The following CATSPERE variants were observed in gnomAD, a reference collection of about 807,000 sequenced individuals.
The protein encoded by CATSPERE is catsper channel auxiliary subunit epsilon.
CATSPERE carries 93 observed loss-of-function variants against 114.1 expected under a neutral mutation model. That is an observed-to-expected ratio of 0.81 (90% confidence interval 0.69 to 0.97). CATSPERE has a LOEUF of 0.97. CATSPERE is among the 50% of genes least tolerant of loss of function. The pLI is 0.00. For synonymous variants in CATSPERE, 341 were observed against 384.1 expected (o/e 0.89, Z 1.31); for missense variants, 1,058 against 1,131.6 (o/e 0.93, Z 0.93).
At chr1:244,564,939 T>C (rs1663197527) in intron 10 of CATSPERE, among the ~76,000 whole-genome samples, 1 of 152,178 alleles carries the variant, frequency 6.6e-6, no homozygotes, top group African/African-American at 2.4e-5. Context: ...CCTAGTTTAT[T>C]GAGAGTTTTT....
intron 8 of CATSPERE, among the ~76,000 whole-genome samples, chr1:244,538,893 T>G (rs1680775269): frequency 1.3e-5 from 2 of 152,104 alleles, no homozygotes; most frequent in South Asian, 4.1e-4. Context: ...GTGATATTAG[T>G]AATGCCTCTG....
At chr1:244,584,172 A>G (rs1348498831) in intron 13 of CATSPERE, among the ~76,000 whole-genome samples, 1 of 152,178 alleles carries the variant, frequency 6.6e-6, no homozygotes, top group East Asian at 1.9e-4. Context: ...AAAATCATTT[A>G]TTCATTTAAA....
chr1:244,629,354 G>T (rs1673614253), intron 20 of CATSPERE, among the ~76,000 whole-genome samples: 1 of 152,114 alleles, frequency 6.6e-6, no homozygotes, highest in African/African-American at 2.4e-5. Flanking sequence ...TCCAAATTAT[G>T]TGCGGTACAT....
rs1408244024 is a variant in CATSPERE, at chr1:244,602,864, T to C, written c.2304-2831T>C. Among the ~76,000 whole-genome samples the C allele has an allele frequency of 2.0e-5, 3 of 152,160 alleles. No individual in the cohort carries two copies. In the East Asian group the frequency reaches 5.8e-4, roughly 29 times the overall value. ...TGGCCATCAGGAAGGAAGTGCATTA[T>C]ACATACAGATCCCTAGAAACTGGGG... On this transcript the variant is annotated intron_variant, in intron 17 of 21. Coordinates refer to ENST00000366534, the MANE Select transcript of CATSPERE (RefSeq NM_001130957.2).
intron 9 of CATSPERE, among the ~76,000 whole-genome samples, chr1:244,555,760 AT>A (rs1460793326): frequency 2.0e-5 from 3 of 152,244 alleles, no homozygotes; most frequent in Non-Finnish European, 4.4e-5. Context: ...GCATACAAAA[AT>A]CAGCAGCATT....
chr1:244,628,779 C>G (rs1673523930), intron 20 of CATSPERE, among the ~76,000 whole-genome samples: 1 of 152,206 alleles, frequency 6.6e-6, no homozygotes. Context: ...CCACAGCTGT[C>G]CACATCTAGA....
chr1:244,574,333 G>A (rs1456011317), intron 11 of CATSPERE, among the ~76,000 whole-genome samples: 1 of 152,204 alleles, frequency 6.6e-6, no homozygotes, highest in African/African-American at 2.4e-5. Context: ...CTGTGAGCAT[G>A]TCTAACAGCT....
chr1:244,589,538 G>T (rs1667449785), intron 14 of CATSPERE, among the ~76,000 whole-genome samples: 1 of 152,076 alleles, frequency 6.6e-6, no homozygotes, highest in South Asian at 2.1e-4. Flanking sequence ...TATGGCCTAT[G>T]GACCAACACT....
At chr1:244,482,938 TATG>T (rs1328093138) in intron 5 of CATSPERE, among the ~76,000 whole-genome samples, 1 of 152,234 alleles carries the variant, frequency 6.6e-6, no homozygotes, top group Non-Finnish European at 1.5e-5. Flanking sequence ...AATTGAATCA[TATG>T]ATAAGTATTC....
intron 8 of CATSPERE, among the ~76,000 whole-genome samples, chr1:244,523,978 A>C (rs928867996): frequency 1.4e-5 from 2 of 148,106 alleles, no homozygotes; most frequent in African/African-American, 5.1e-5. Context: ...ACAGAATTGG[A>C]AAAAACTACT....
chr1:244,497,051 T>A (rs762458790), intron 6 of CATSPERE, among the ~76,000 whole-genome samples: 6 of 152,078 alleles, frequency 3.9e-5, no homozygotes, highest in Non-Finnish European at 5.9e-5. Flanking sequence ...AAGATTGGAG[T>A]CATACCTTAC....
chr1:244,617,814 G>T, intron 20 of CATSPERE, 128 bp downstream of exon 20: 2 of 794,282 alleles, frequency 2.5e-6, no homozygotes, highest in Non-Finnish European at 3.7e-6. Context: ...TTTTCATTTT[G>T]TAGCAATCAC....
chr1:244,564,545 C>G (rs749478342), intron 10 of CATSPERE, among the ~76,000 whole-genome samples: 7 of 151,768 alleles, frequency 4.6e-5, no homozygotes, highest in Non-Finnish European at 1.0e-4. Flanking sequence ...TGATTTGGCT[C>G]TCTGTCTGTT....
At chr1:244,531,080 T>A (rs1199996006) in intron 8 of CATSPERE, among the ~76,000 whole-genome samples, 5 of 117,234 alleles carry the variant, frequency 4.3e-5, no homozygotes, top group South Asian at 2.4e-4. Flanking sequence ...ATAAAAAAAA[T>A]TTAAAAAAAG....
chr1:244,572,593 A>C lies in CATSPERE; in HGVS notation c.1771A>C (p.Asn591His). Residue 591 changes from asparagine (N) to histidine (H), a missense_variant, in exon 11 of 22, where the codon AAT becomes CAT. Asn to His is a moderately conservative substitution (Grantham distance 68). Around this residue, in one of 2 missense-constraint regions of CATSPERE, gnomAD observed 787 missense variants for 905.6 expected, o/e 0.87. Coordinates refer to ENST00000366534, the MANE Select transcript of CATSPERE (RefSeq NM_001130957.2). ...ATGCCCATACATGGCATTTCATAAC[A>C]ATGTTGCTCATGTTTTTTACTTTTT... ...DKCPYMAFHN[N>H]VAHVFYFLDK... is the part of the protein sequence containing the mutation. 1 of 1,614,102 alleles carries C rather than the reference A, an allele frequency of 6.2e-7. No individual in the cohort carries two copies. Among genetic ancestry groups the C allele is most frequent in the Non-Finnish European group, 8.5e-7 (1 of 1,180,010 alleles).
chr1:244,557,219 T>C (rs1661720613), intron 9 of CATSPERE, among the ~76,000 whole-genome samples: 1 of 151,954 alleles, frequency 6.6e-6, no homozygotes, highest in African/African-American at 2.4e-5. Context: ...CATGGTTCCA[T>C]ATGAATTTTA....
intron 10 of CATSPERE, among the ~76,000 whole-genome samples, chr1:244,569,131 T>C (rs956279201): frequency 2.0e-5 from 3 of 149,242 alleles, no homozygotes; most frequent in African/African-American, 7.7e-5. Flanking sequence ...GGGTTCCTTA[T>C]GGAAGACCAG....
chr1:244,463,945 A>G lies in CATSPERE; in HGVS notation c.103A>G (p.Thr35Ala). 6.2e-7 allele frequency: 1 copy of G among 1,601,346 alleles called. No homozygotes were observed. Among genetic ancestry groups the G allele is most frequent in the Non-Finnish European group, 8.6e-7 (1 of 1,168,748 alleles). Residue 35 changes from threonine (T) to alanine (A), a missense_variant, in exon 2 of 22, where the codon ACC becomes GCC. This residue lies in a region of CATSPERE where 271 missense variants were observed against 225.9 expected (regional missense o/e 1.20). Transcript: ENST00000366534. ...CAGCCCAAACTATCGCATTTTTAGTACCAGAAGTACTGTAAGTGTTGAATT... is the reference window on the plus strand; with the variant it reads ...CAGCCCAAACTATCGCATTTTTAGTGCCAGAAGTACTGTAAGTGTTGAATT... ...TNSPNYRIFS[T>A]RSTIKLEYEG...
At chr1:244,619,282 T>G (rs934862016) in intron 20 of CATSPERE, among the ~76,000 whole-genome samples, 1 of 152,168 alleles carries the variant, frequency 6.6e-6, no homozygotes, top group African/African-American at 2.4e-5. Context: ...CACCCACTGT[T>G]AAGGAATTTG....
Sources: gnomAD v4.1 joint callset for allele counts (sites outside exome capture counted in the v4.1 genomes callset) on GRCh38, gnomAD v4.1.1 for gene constraint, gnomAD v4.1.1 regional missense constraint, MANE v1.5 for transcripts, NCBI Gene and HGNC (gene_info 2026-07-23, HGNC 2026-07-21) for gene names.